Variants in PITPNC1 observed in about 807,000 individuals in gnomAD.
The protein encoded by PITPNC1 is cytoplasmic phosphatidylinositol transfer protein 1.
A neutral mutation model predicts 44.7 loss-of-function variants in PITPNC1; 18 were observed. The ratio of observed to expected loss-of-function variants is 0.40; its 90% CI spans 0.28 to 0.60. The LOEUF (loss-of-function observed/expected upper bound fraction) is 0.60, where lower values mean the gene tolerates loss of function less well. Among genes scored for constraint, PITPNC1 ranks in the 20% least tolerant of loss-of-function variants. The pLI is 0.39. For synonymous variants in PITPNC1, 141 were observed against 149.6 expected (o/e 0.94, Z 0.42); for missense variants, 290 against 418.4 (o/e 0.69, Z 2.68).
At chr17:67,571,712 T>A (rs1355845427) in intron 4 of PITPNC1, among the ~76,000 whole-genome samples, 1 of 152,254 alleles carries the variant, frequency 6.6e-6, no homozygotes. Flanking sequence ...AGTAGACCTC[T>A]CTTGGGTCCT....
chr17:67,594,487 G>C (rs563982232), intron 5 of PITPNC1, among the ~76,000 whole-genome samples: 1 of 152,200 alleles, frequency 6.6e-6, no homozygotes, highest in South Asian at 2.1e-4. Flanking sequence ...CGTCTCCAGG[G>C]ACTTTTGAGT....
intron 1 of PITPNC1, chr17:67,525,532 C>T (rs2040381075): frequency 6.6e-6 from 1 of 152,228 alleles, no homozygotes; most frequent in Non-Finnish European, 1.5e-5. Flanking sequence ...AGAGACAGCT[C>T]TCACCTCTAG....
chr17:67,429,866 A>C (rs2038829421), intron 1 of PITPNC1, among the ~76,000 whole-genome samples: 1 of 152,234 alleles, frequency 6.6e-6, no homozygotes, highest in African/African-American at 2.4e-5. Context: ...GAAGGAATAC[A>C]ATTTCAGTAG....
chr17:67,626,634 A>C (rs980013430), intron 5 of PITPNC1, among the ~76,000 whole-genome samples: 3 of 152,040 alleles, frequency 2.0e-5, no homozygotes, highest in African/African-American at 7.2e-5. Flanking sequence ...CTCTCAAAGT[A>C]CTGGGATTAC....
intron 2 of PITPNC1, among the ~76,000 whole-genome samples, chr17:67,545,357 C>G (rs1160342128): frequency 1.3e-5 from 2 of 151,850 alleles, no homozygotes; most frequent in African/African-American, 4.8e-5. Context: ...GCAGGCAGAT[C>G]ACTTGAGGTC....
intron 4 of PITPNC1, among the ~76,000 whole-genome samples, chr17:67,555,754 G>A (rs1245548356): frequency 6.6e-6 from 1 of 151,754 alleles, no homozygotes; most frequent in Non-Finnish European, 1.5e-5. Context: ...TGAGACAGGA[G>A]AATCATTTGA....
intron 1 of PITPNC1, among the ~76,000 whole-genome samples, chr17:67,437,964 G>A (rs955985508): frequency 6.6e-6 from 1 of 152,026 alleles, no homozygotes; most frequent in Non-Finnish European, 1.5e-5. Flanking sequence ...AGCTGCTGGG[G>A]AGGCCAAGGC....
intron 1 of PITPNC1, among the ~76,000 whole-genome samples, chr17:67,439,854 A>G (rs1001031225): frequency 2.0e-5 from 3 of 152,172 alleles, no homozygotes; most frequent in African/African-American, 4.8e-5. Context: ...TTTATATAGT[A>G]TGTATCTCAG....
intron 1 of PITPNC1, among the ~76,000 whole-genome samples, chr17:67,439,756 T>A (rs2038985946): frequency 6.6e-6 from 1 of 152,236 alleles, no homozygotes; most frequent in African/African-American, 2.4e-5. Context: ...GGACATTTCT[T>A]TTTTAAGTAT....
At chr17:67,463,832 G>A (rs971321275) in intron 1 of PITPNC1, among the ~76,000 whole-genome samples, 6 of 151,852 alleles carry the variant, frequency 4.0e-5, no homozygotes, top group African/African-American at 1.2e-4. Context: ...GTTTAAGCCC[G>A]AAAGGCAGAG....
intron 1 of PITPNC1, among the ~76,000 whole-genome samples, chr17:67,405,433 A>T (rs8069908): frequency 6.6e-6 from 1 of 151,324 alleles, no homozygotes; most frequent in Non-Finnish European, 1.5e-5. Flanking sequence ...AAAAAAATCA[A>T]ATTTAATTTT....
chr17:67,525,811 C>T (rs1598779125), intron 1 of PITPNC1, among the ~76,000 whole-genome samples: 1 of 152,250 alleles, frequency 6.6e-6, no homozygotes, highest in East Asian at 1.9e-4. Flanking sequence ...CAGGAAACTC[C>T]CAAGAAAGCC....
chr17:67,419,981 C>T (rs1263016795), intron 1 of PITPNC1, among the ~76,000 whole-genome samples: 1 of 152,012 alleles, frequency 6.6e-6, no homozygotes, highest in Non-Finnish European at 1.5e-5. Flanking sequence ...CCACATCTGT[C>T]TATCCATCCG....
intron 1 of PITPNC1, among the ~76,000 whole-genome samples, chr17:67,504,762 A>T (rs1315089681): frequency 6.6e-6 from 1 of 152,058 alleles, no homozygotes; most frequent in East Asian, 1.9e-4. Context: ...TAATTAATTT[A>T]GGTTAATTAA....
intron 1 of PITPNC1, chr17:67,379,222 C>A: frequency 1.0e-6 from 1 of 985,824 alleles, no homozygotes; most frequent in South Asian, 4.7e-5. Context: ...AAATCAGCCA[C>A]CCAGACCGTC....
chr17:67,460,134 T>C (rs1567998288), intron 1 of PITPNC1, among the ~76,000 whole-genome samples: 4 of 152,176 alleles, frequency 2.6e-5, no homozygotes, highest in Non-Finnish European at 5.9e-5. Flanking sequence ...TGAAGTGATT[T>C]ATAACCTGTG....
intron 1 of PITPNC1, among the ~76,000 whole-genome samples, chr17:67,528,055 T>G (rs1193033710): frequency 1.3e-5 from 2 of 152,176 alleles, no homozygotes; most frequent in Non-Finnish European, 2.9e-5. Context: ...TGTTTTTGTT[T>G]TTTTGAGACA....
chr17:67,627,952 C>T (rs1232832971), intron 5 of PITPNC1, among the ~76,000 whole-genome samples: 11 of 138,874 alleles, frequency 7.9e-5, no homozygotes, highest in African/African-American at 2.5e-4. Context: ...TTTGAGATGG[C>T]GTCTCACTGT....
intron 1 of PITPNC1, among the ~76,000 whole-genome samples, chr17:67,418,816 C>T (rs1042763687): frequency 2.6e-5 from 4 of 152,198 alleles, no homozygotes; most frequent in African/African-American, 9.7e-5. Context: ...CTGCCTCGGC[C>T]TCCCAAACTG....
Sources: gnomAD v4.1 joint callset for allele counts (sites outside exome capture counted in the v4.1 genomes callset) on GRCh38, gnomAD v4.1.1 for gene constraint, MANE v1.5 for transcripts, NCBI Gene and HGNC (gene_info 2026-07-23, HGNC 2026-07-21) for gene names.